Variants in LEO1 observed in about 807,000 individuals in gnomAD.
LEO1 encodes the protein LEO1 component of Paf1/RNA polymerase II complex.
In LEO1, 34 loss-of-function variants were observed where a neutral mutation model predicts 80.4. That is an observed-to-expected ratio of 0.42 (90% CI 0.32 to 0.56). The LOEUF (loss-of-function observed/expected upper bound fraction) is 0.56, where lower values mean the gene tolerates loss of function less well. Among genes scored for constraint, LEO1 ranks in the 20% least tolerant of loss-of-function variants. LEO1 has a pLI of 0.10. For synonymous variants in LEO1, 262 were observed against 274.9 expected (o/e 0.95, Z 0.46); for missense variants, 631 against 814.2 (o/e 0.77, Z 2.74).
At chr15:51,952,002 CAT>C (rs1566882771) in intron 8 of LEO1, 23 bp from the exon 9 acceptor site, 1 of 1,598,244 alleles carries the variant, frequency 6.3e-7, no homozygotes, top group Non-Finnish European at 8.5e-7. Context: ...AAACGAAGAG[CAT>C]ATCACTGTTT....
At chr15:51,950,940 G>C (rs1359924439) in intron 9 of LEO1, among the ~76,000 whole-genome samples, 1 of 152,176 alleles carries the variant, frequency 6.6e-6, no homozygotes, top group Non-Finnish European at 1.5e-5. Context: ...AAAAGGTGGG[G>C]AAATGGAACA....
chr15:51,960,184 C>A, intron 4 of LEO1, 140 bp from the exon 5 acceptor site: 1 of 600,594 alleles, frequency 1.7e-6, no homozygotes, highest in Non-Finnish European at 2.8e-6. Context: ...AGTCCCCATC[C>A]CAACCCACCT....
chr15:51,951,999 G>A lies in LEO1; in HGVS notation c.1476-20C>T, dbSNP rs1471041711. On this transcript the variant is annotated intron_variant, in intron 8 of 11. Transcript: ENST00000299601. The stretch of plus-strand genomic sequence containing the variant: ...TGAGGTCTGCCAGGAAATAAACGAA[G>A]AGCATATCACTGTTTACCAAATACA... The A allele has an allele frequency of 1.2e-6, 2 of 1,608,138 alleles. No individual in the cohort carries two copies. Among genetic ancestry groups the A allele is most frequent in the Non-Finnish European group, 1.7e-6 (2 of 1,176,206 alleles).
chr15:51,950,936 T>C, intron 9 of LEO1, among the ~76,000 whole-genome samples: 1 of 152,026 alleles, frequency 6.6e-6, no homozygotes, highest in Admixed American at 6.6e-5. Context: ...ACAGAAAAGG[T>C]GGGGAAATGG....
At position 51,943,778 on chromosome 15, in the gene LEO1, T is replaced by TA. The variant is rs36007111; in HGVS notation, c.1896+3513dup. ...ATATCACTAAAGTGAGAGAAGTGAT[T>TA]AAAAAAAAAAAAAAAAAGGTACCAA... is the stretch of plus-strand genomic sequence containing the variant. On this transcript the variant is annotated intron_variant, in intron 11 of 11. Transcript: ENST00000299601. Among the ~76,000 whole-genome samples the TA allele has an allele frequency of 3.5e-3, 446 of 127,156 alleles. 4 individuals are homozygous for TA. The highest frequency in any genetic ancestry group is 6.7e-3 in the African/African-American group (228 of 33,796). The allele number at this position is 127,156 out of a possible 152,430, so 83.4% of individuals were successfully genotyped here.
chr15:51,971,590 G>A, intron 1 of LEO1, 98 bp downstream of exon 1: 3 of 1,254,818 alleles, frequency 2.4e-6, no homozygotes, highest in Non-Finnish European at 3.5e-6. Flanking sequence ...TGGAGGAAAC[G>A]CCACCTCTTG....
chr15:51,969,374 C>A (rs9744466), intron 1 of LEO1, among the ~76,000 whole-genome samples: 19,311 of 152,056 alleles, frequency 0.13, 1,602 homozygotes, highest in Admixed American at 0.23. Context: ...GTGGCTCACA[C>A]CTGTAATCCC....
intron 11 of LEO1, among the ~76,000 whole-genome samples, chr15:51,938,817 A>C (rs905198632): frequency 1.3e-5 from 2 of 152,014 alleles, no homozygotes; most frequent in African/African-American, 2.4e-5. Flanking sequence ...TACCTAAAAA[A>C]CATTTTTTAC....
intron 2 of LEO1, among the ~76,000 whole-genome samples, chr15:51,963,704 C>T (rs2057050277): frequency 6.6e-6 from 1 of 150,882 alleles, no homozygotes. Context: ...GAGTTCGAGA[C>T]CGGCCAGGCC....
chr15:51,961,385 T>C (rs975780156), intron 3 of LEO1, among the ~76,000 whole-genome samples: 6 of 151,742 alleles, frequency 4.0e-5, no homozygotes, highest in African/African-American at 1.5e-4. Context: ...GTGGTGGTGG[T>C]GGTTGCGGTT....
chr15:51,959,861 A>T (rs779764226), intron 5 of LEO1, 38 bp downstream of exon 5: 14 of 1,520,706 alleles, frequency 9.2e-6, no homozygotes, highest in African/African-American at 5.6e-5. Context: ...ATGTATTTCT[A>T]CTCAACATCC....
At chr15:51,942,783 G>A (rs915109348) in intron 11 of LEO1, among the ~76,000 whole-genome samples, 3 of 151,928 alleles carry the variant, frequency 2.0e-5, no homozygotes, top group Non-Finnish European at 4.4e-5. Flanking sequence ...TTAGCTGGGC[G>A]TGGTGGCAGG....
chr15:51,971,582 G>A (rs1426436096), intron 1 of LEO1, 106 bp downstream of exon 1: 1 of 1,156,916 alleles, frequency 8.6e-7, no homozygotes, highest in East Asian at 2.4e-5. Flanking sequence ...GGCAGGAGTG[G>A]AGGAAACGCC....
At chr15:51,950,075 C>A in intron 9 of LEO1, 81 bp from the exon 10 acceptor site, 3 of 1,142,926 alleles carry the variant, frequency 2.6e-6, no homozygotes, top group Non-Finnish European at 3.7e-6. Context: ...TTACAAATAG[C>A]ATGTAATGTC....
At chr15:51,960,146 A>G (rs1237982626) in intron 4 of LEO1, 102 bp from the exon 5 acceptor site, 3 of 936,586 alleles carry the variant, frequency 3.2e-6, no homozygotes, top group Non-Finnish European at 4.8e-6. Context: ...ACATAATTAG[A>G]TATCACTTTA....
chr15:51,942,929 A>AC (rs796525410), intron 11 of LEO1, among the ~76,000 whole-genome samples: 5 of 149,970 alleles, frequency 3.3e-5, no homozygotes, highest in African/African-American at 1.2e-4. Context: ...CTCAAAAAAA[A>AC]AAAAAAAACC....
At position 51,947,310 on chromosome 15, in the gene LEO1, C is replaced by T; in HGVS notation, c.1878G>A (p.Lys626=). The T allele has an allele frequency of 6.2e-7, 1 of 1,612,922 alleles. No homozygotes were observed. Among genetic ancestry groups the T allele is most frequent in the Non-Finnish European group, 8.5e-7 (1 of 1,178,920 alleles). ...EDKAQRLLKA[K]KLTSDEEGEP... is the part of the protein sequence containing the mutation. Reference sequence around the variant, plus strand: ...GTCTTACCTCATCACTGGTAAGTTTCTTTGCTTTGAGTAATCTTTGAGCTT... The same window carrying T: ...GTCTTACCTCATCACTGGTAAGTTTTTTTGCTTTGAGTAATCTTTGAGCTT... Residue 626 remains lysine (K), a synonymous_variant, in exon 11 of 12, where the codon AAG becomes AAA. Coordinates refer to ENST00000299601, the MANE Select transcript of LEO1 (RefSeq NM_138792.4).
At chr15:51,970,857 C>T (rs1242836029) in intron 1 of LEO1, among the ~76,000 whole-genome samples, 1 of 152,142 alleles carries the variant, frequency 6.6e-6, no homozygotes, top group Non-Finnish European at 1.5e-5. Context: ...ATTTCAAGTG[C>T]CCGTAGTCTC....
At chr15:51,964,022 C>T (rs1357782628) in intron 2 of LEO1, among the ~76,000 whole-genome samples, 3 of 151,558 alleles carry the variant, frequency 2.0e-5, no homozygotes, top group Admixed American at 6.6e-5. Flanking sequence ...CTGGCTAACA[C>T]GGTGAAACCC....
Sources: gnomAD v4.1 joint callset for allele counts (sites outside exome capture counted in the v4.1 genomes callset) on GRCh38, gnomAD v4.1.1 for gene constraint, MANE v1.5 for transcripts, NCBI Gene and HGNC (gene_info 2026-07-23, HGNC 2026-07-21) for gene names.